The following RRAGC variants were observed in gnomAD, a reference collection of about 807,000 sequenced individuals.
The protein encoded by RRAGC is Ras related GTP binding C.
Under a neutral mutation model 37.1 loss-of-function variants are expected in RRAGC, and 8 were observed. That is an observed-to-expected ratio of 0.22 (90% confidence interval 0.13 to 0.39). RRAGC has a LOEUF of 0.39. Among genes scored for constraint, RRAGC ranks in the 10% least tolerant of loss-of-function variants. The probability of loss-of-function intolerance (pLI) is 1.00; values close to 1 mark genes in which losing one functional copy is unlikely to be tolerated. For missense variants in RRAGC, 342 were observed against 497.6 expected, an observed-to-expected ratio of 0.69 and a Z score of 2.98; for synonymous variants, 190 against 181.1, an observed-to-expected ratio of 1.05 and a Z score of -0.39.
intron 6 of RRAGC, among the ~76,000 whole-genome samples, chr1:38,844,922 G>A (rs1642010105): frequency 6.6e-6 from 1 of 152,190 alleles, no homozygotes; most frequent in Non-Finnish European, 1.5e-5. Flanking sequence ...AAACCACAGT[G>A]AGATACCAGC....
chr1:38,855,953 C>T (rs1344179945), intron 2 of RRAGC, 46 bp from the exon 3 acceptor site: 9 of 1,432,988 alleles, frequency 6.3e-6, no homozygotes, highest in Non-Finnish European at 7.7e-6. Flanking sequence ...CTTACAAAAG[C>T]CAAGTAATGA....
chr1:38,846,646 A>C (rs1157864732), intron 5 of RRAGC: 1 of 152,242 alleles, frequency 6.6e-6, no homozygotes, highest in East Asian at 1.9e-4. Context: ...TGTTGAAATC[A>C]ACAACTTTTA....
intron 1 of RRAGC, among the ~76,000 whole-genome samples, chr1:38,858,387 T>C (rs1007351524): frequency 6.6e-6 from 1 of 152,128 alleles, no homozygotes; most frequent in African/African-American, 2.4e-5. Flanking sequence ...AAGTCAACCT[T>C]GCCTCTATTT....
At chr1:38,855,934 A>T (rs770199678) in intron 2 of RRAGC, 27 bp from the exon 3 acceptor site, 4 of 1,562,638 alleles carry the variant, frequency 2.6e-6, no homozygotes, top group Admixed American at 1.8e-5. Context: ...AATATTTTTT[A>T]AAATAAATCT....
intron 3 of RRAGC, among the ~76,000 whole-genome samples, chr1:38,854,404 A>G (rs868705806): frequency 6.6e-6 from 1 of 151,914 alleles, no homozygotes; most frequent in Non-Finnish European, 1.5e-5. Context: ...TACTGAAGTT[A>G]ACAAGGTCTA....
Position 38,855,723 on chromosome 1 carries a change from T to C in RRAGC, c.626A>G (p.Glu209Gly). ...ATGTTGTTACCTAAGATGGAGTTTT[T>C]CTAGCCCAGCATCTGCAAGGTCATC... ...ANDDLADAGL[E>G]KLHLSFYLTS... Residue 209 changes from glutamate (E) to glycine (G), a missense_variant, in exon 3 of 7, where the codon GAA becomes GGA. Coordinates refer to ENST00000373001, the MANE Select transcript of RRAGC (RefSeq NM_022157.4). 6.2e-7 allele frequency: 1 copy of C among 1,614,008 alleles called. No homozygotes were observed. The highest frequency in any genetic ancestry group is 8.5e-7 in the Non-Finnish European group (1 of 1,179,896).
At chr1:38,848,916 G>T (rs1642060996) in intron 5 of RRAGC, among the ~76,000 whole-genome samples, 1 of 152,062 alleles carries the variant, frequency 6.6e-6, no homozygotes, top group Admixed American at 6.5e-5. Context: ...AGAATCACTT[G>T]AGTCCAGGAA....
intron 1 of RRAGC, among the ~76,000 whole-genome samples, chr1:38,857,958 C>G (rs937133600): frequency 6.6e-6 from 1 of 150,966 alleles, no homozygotes; most frequent in Non-Finnish European, 1.5e-5. Flanking sequence ...GACTCCATAA[C>G]AAACAAACAA....
intron 1 of RRAGC, among the ~76,000 whole-genome samples, chr1:38,857,887 G>A (rs1642186513): frequency 6.6e-6 from 1 of 152,126 alleles, no homozygotes; most frequent in South Asian, 2.1e-4. Flanking sequence ...TTGAACCCAG[G>A]AGGTGGAGGC....
chr1:38,851,674 T>C lies in RRAGC; in HGVS notation c.840A>G (p.Gln280=), dbSNP rs142273262. ...TCATGTCACAGCAAAGTTCATAAGA[T>C]TGCATATCCACAGGGGAACTGTCTG... The part of the protein sequence containing the change: ...IATDSSPVDM[Q]SYELCCDMID... The change falls in exon 5 of 7, where the codon CAA becomes CAG. Residue 280 remains glutamine, a synonymous_variant. Transcript: ENST00000373001. 3.1e-5 allele frequency: 50 copies of C among 1,593,154 alleles called. No individual in the cohort carries two copies. The African/African-American group carries it at 4.6e-4, about 15-fold the overall frequency.
intron 1 of RRAGC, among the ~76,000 whole-genome samples, chr1:38,857,593 G>C (rs1401124477): frequency 1.3e-5 from 2 of 152,326 alleles, no homozygotes; most frequent in Admixed American, 1.3e-4. Context: ...AAACGTCCAG[G>C]GGGAGGCCAC....
chr1:38,845,757 CA>C (rs1642020152), intron 6 of RRAGC, among the ~76,000 whole-genome samples, 181 bp downstream of exon 6: 2 of 150,380 alleles, frequency 1.3e-5, no homozygotes, highest in African/African-American at 4.9e-5. Context: ...AATGAAAGAT[CA>C]AAAAAAGAAA....
chr1:38,851,810 C>T, intron 4 of RRAGC, 53 bp from the exon 5 acceptor site: 3 of 1,501,400 alleles, frequency 2.0e-6, no homozygotes, highest in Non-Finnish European at 2.8e-6. Context: ...TCACAATTTA[C>T]AACTTATCGA....
chr1:38,856,323 G>A (rs1642166898), intron 2 of RRAGC, among the ~76,000 whole-genome samples: 2 of 152,106 alleles, frequency 1.3e-5, no homozygotes, highest in African/African-American at 2.4e-5. Flanking sequence ...GGTCCTGTAC[G>A]TGAAGGCACC....
Position 38,859,572 on chromosome 1 carries a change from G to A in RRAGC, c.75C>T (p.Asp25=), listed in dbSNP as rs1325695488. Residue 25 remains aspartate (D), a synonymous_variant, in exon 1 of 7, where the codon GAC becomes GAT. Transcript: ENST00000373001. ...CCTCCTCCTCCACGCCGTAGCCGAAGTCCTTTGGAAACGAATCGGCCGCGC... is the reference window on the plus strand; with the variant it reads ...CCTCCTCCTCCACGCCGTAGCCGAAATCCTTTGGAAACGAATCGGCCGCGC... ...SYGAADSFPK[D]FGYGVEEEEE... 31 of 1,560,040 alleles carry A rather than the reference G, an allele frequency of 2.0e-5. No individual in the cohort carries two copies. The highest frequency in any genetic ancestry group is 2.7e-5 in the Non-Finnish European group (31 of 1,153,356).
At chr1:38,841,387 G>A (rs747530228) in intron 6 of RRAGC, among the ~76,000 whole-genome samples, 90 of 136,298 alleles carry the variant, frequency 6.6e-4, no homozygotes, top group Non-Finnish European at 1.2e-3. Flanking sequence ...TTTTTTTATA[G>A]ACAGGGTCTC....
chr1:38,859,222 T>C (rs1464347656), intron 1 of RRAGC, among the ~76,000 whole-genome samples, 188 bp downstream of exon 1: 2 of 152,246 alleles, frequency 1.3e-5, no homozygotes, highest in Non-Finnish European at 2.9e-5. Context: ...TGGCTTCAGC[T>C]GACTTGGGCG....
chr1:38,839,138 A>C lies in RRAGC; in HGVS notation c.*415T>G, dbSNP rs1440239054. 6.3e-6 allele frequency: 1 copy of C among 157,958 alleles called. No individual in the cohort carries two copies. 9.8% of individuals were successfully genotyped at this position (157,958 alleles called of 1,614,324 possible). A position where few individuals can be genotyped will look rare whatever the true frequency, so the allele number is the denominator to read the frequency against. On this transcript the variant is annotated 3_prime_UTR_variant, in exon 7 of 7. Transcript: ENST00000373001. ...AACTTAAGCAAGGCAGAATTTTTAGAGTCTACTCAAATGAAAGCCTAAGTG... is the reference window on the plus strand; with the variant it reads ...AACTTAAGCAAGGCAGAATTTTTAGCGTCTACTCAAATGAAAGCCTAAGTG...
intron 5 of RRAGC, among the ~76,000 whole-genome samples, chr1:38,851,017 C>A (rs1308617009): frequency 6.6e-6 from 1 of 152,156 alleles, no homozygotes; most frequent in Non-Finnish European, 1.5e-5. Flanking sequence ...TTTCACCAGT[C>A]CTCTGGCCTA....
Sources: allele counts gnomAD v4.1 joint callset (sites outside exome capture counted in the v4.1 genomes callset), GRCh38; gene constraint gnomAD v4.1.1; transcripts MANE v1.5; gene names NCBI Gene and HGNC (gene_info 2026-07-23, HGNC 2026-07-21).